MAGI2: variants seen among roughly 807,000 people sequenced by gnomAD.
MAGI2 encodes membrane associated guanylate kinase, WW and PDZ domain containing 2, also known as membrane-associated guanylate kinase, WW and PDZ domain-containing protein 2.
A neutral mutation model predicts 133.3 loss-of-function variants in MAGI2; 35 were observed. The observed-to-expected ratio is 0.26, with a 90% CI of 0.20 to 0.35. MAGI2 has a LOEUF of 0.35. Ranked by LOEUF, MAGI2 falls within the 10% of genes least tolerant of loss-of-function variation. The pLI is 1.00. For synonymous variants in MAGI2, 729 were observed against 710.6 expected, an observed-to-expected ratio of 1.03 and a Z score of -0.41; for missense variants, 1,636 against 1,863.4, an observed-to-expected ratio of 0.88 and a Z score of 2.25.
chr7:79,135,331 G>T (rs1821292961), intron 1 of MAGI2, among the ~76,000 whole-genome samples: 3 of 152,090 alleles, frequency 2.0e-5, no homozygotes. Context: ...ATTGCAGAAG[G>T]TGTGTTACAA....
chr7:78,859,101 C>T (rs1157703194), intron 2 of MAGI2, among the ~76,000 whole-genome samples: 7 of 151,888 alleles, frequency 4.6e-5, no homozygotes, highest in Non-Finnish European at 1.0e-4. Flanking sequence ...GGTAGATCTT[C>T]CTCCATCCCT....
chr7:78,256,147 A>G lies in MAGI2; in HGVS notation c.1843T>C (p.Phe615Leu). The change falls in exon 10 of 22, where the codon TTC (phenylalanine) becomes CTC (leucine). Residue 615 changes from phenylalanine to leucine, a missense_variant. By Grantham distance (22) the Phe-to-Leu change is conservative (BLOSUM62 0). Around this residue, in one of 5 missense-constraint regions of MAGI2, gnomAD observed 920 missense variants for 1,093.5 expected, o/e 0.84. Coordinates refer to ENST00000354212, the MANE Select transcript of MAGI2 (RefSeq NM_012301.4). ...TLTIVKGAQG[F>L]GFTIADSPTG... is the part of the protein sequence containing the mutation. ...GGACTGTCGGCAATAGTGAAGCCGA[A>G]GCCCTGGGCACCTTTCACAATGGTT... is the stretch of plus-strand genomic sequence containing the variant. The G allele has an allele frequency of 8.7e-6, 14 of 1,613,930 alleles. No homozygotes were observed. The highest frequency in any genetic ancestry group is 1.1e-5 in the Non-Finnish European group (13 of 1,179,934).
intron 7 of MAGI2, among the ~76,000 whole-genome samples, chr7:78,349,287 A>C (rs1483550779): frequency 6.6e-6 from 1 of 152,202 alleles, no homozygotes; most frequent in Non-Finnish European, 1.5e-5. Flanking sequence ...GTTTTAAAAC[A>C]TTTATTTTCA....
Position 78,070,498 on chromosome 7 carries a change from GTGTGTATATATA to G in MAGI2, c.3706+8437_3706+8448del, listed in dbSNP as rs1246780431. Among the ~76,000 whole-genome samples the G allele has an allele frequency of 5.2e-3, 750 of 144,264 alleles. 2 individuals are homozygous for G. Among genetic ancestry groups the G allele is most frequent in the African/African-American group, 0.019 (712 of 38,002 alleles). 94.6% of individuals were successfully genotyped at this position (144,264 alleles called of 152,430 possible). A position where few individuals can be genotyped will look rare whatever the true frequency, so the allele number is the denominator to read the frequency against. On this transcript the variant is annotated intron_variant, in intron 21 of 21. Transcript: ENST00000354212. ...TATATATATGTGTGTGTATATATGTGTGTGTATATATATGTGTGTATATATGTATATATGTGT... is the reference window on the plus strand; with the variant it reads ...TATATATATGTGTGTGTATATATGTGTGTGTGTATATATGTATATATGTGT...
chr7:78,879,968 G>T (rs1317870196), intron 2 of MAGI2, among the ~76,000 whole-genome samples: 3 of 151,896 alleles, frequency 2.0e-5, no homozygotes, highest in Non-Finnish European at 4.4e-5. Flanking sequence ...GCAGAAGAAA[G>T]ATTTTCAGAG....
chr7:78,083,416 G>C (rs975896969), intron 20 of MAGI2, among the ~76,000 whole-genome samples: 21 of 142,810 alleles, frequency 1.5e-4, no homozygotes, highest in Non-Finnish European at 2.8e-4. Flanking sequence ...GAGAGAGAGA[G>C]AGAGAGAGAG....
chr7:78,563,364 G>T (rs541069267), intron 3 of MAGI2, among the ~76,000 whole-genome samples: 8 of 152,152 alleles, frequency 5.3e-5, no homozygotes, highest in Non-Finnish European at 1.2e-4. Context: ...AAGGTCACCT[G>T]GGGCAGCATG....
chr7:78,955,716 TTTCTTTCTC>T (rs1802261872), intron 2 of MAGI2, among the ~76,000 whole-genome samples: 1 of 117,588 alleles, frequency 8.5e-6, no homozygotes, highest in Non-Finnish European at 1.7e-5. Flanking sequence ...TTTCTTTTTC[TTTCTTTCTC>T]TTTCTTTCTT....
intron 1 of MAGI2, among the ~76,000 whole-genome samples, chr7:79,303,326 C>A (rs1483677268): frequency 2.0e-5 from 3 of 152,044 alleles, no homozygotes; most frequent in Admixed American, 6.6e-5. Flanking sequence ...AAAAAATACC[C>A]TTCCTGTAGA....
chr7:78,725,223 A>G (rs1820654862), intron 2 of MAGI2, among the ~76,000 whole-genome samples: 1 of 152,228 alleles, frequency 6.6e-6, no homozygotes, highest in Non-Finnish European at 1.5e-5. Context: ...GGCCCAAGTT[A>G]CTAAGTTAAT....
At chr7:78,566,999 A>G (rs17151031) in intron 3 of MAGI2, among the ~76,000 whole-genome samples, 3,230 of 152,280 alleles carry the variant, frequency 0.021, 115 homozygotes, top group African/African-American at 0.074. Flanking sequence ...GAGGTTTTAA[A>G]GTTTGACTTA....
chr7:79,285,742 T>TAGAGA, intron 1 of MAGI2, among the ~76,000 whole-genome samples: 1 of 152,074 alleles, frequency 6.6e-6, no homozygotes. Flanking sequence ...GAAACAATGT[T>TAGAGA]AGAGAAGAAT....
intron 2 of MAGI2, among the ~76,000 whole-genome samples, chr7:78,940,043 T>A (rs1281655717): frequency 6.6e-6 from 1 of 152,100 alleles, no homozygotes; most frequent in Non-Finnish European, 1.5e-5. Flanking sequence ...AAAACCAATA[T>A]AAAAATTGCC....
At chr7:78,978,584 C>T (rs941040543) in intron 2 of MAGI2, among the ~76,000 whole-genome samples, 3 of 151,754 alleles carry the variant, frequency 2.0e-5, no homozygotes, top group East Asian at 1.9e-4. Flanking sequence ...CATGATATGA[C>T]GCATTTGTCA....
chr7:78,187,861 C>A (rs1827840902), intron 12 of MAGI2, among the ~76,000 whole-genome samples: 1 of 152,090 alleles, frequency 6.6e-6, no homozygotes, highest in South Asian at 2.1e-4. Context: ...AACTCTATAG[C>A]CCTGATGGTC....
intron 2 of MAGI2, among the ~76,000 whole-genome samples, chr7:78,998,071 T>C (rs1178634373): frequency 6.6e-6 from 1 of 152,132 alleles, no homozygotes; most frequent in Non-Finnish European, 1.5e-5. Flanking sequence ...TCATGAATAG[T>C]GAAGGCAGAT....
At chr7:78,523,403 T>C (rs966902553) in intron 3 of MAGI2, among the ~76,000 whole-genome samples, 1 of 151,926 alleles carries the variant, frequency 6.6e-6, no homozygotes, top group African/African-American at 2.4e-5. Context: ...GGCGTGAACC[T>C]GGGAGGCGGA....
At chr7:78,185,265 A>G (rs1352857679) in intron 13 of MAGI2, among the ~76,000 whole-genome samples, 3 of 152,184 alleles carry the variant, frequency 2.0e-5, no homozygotes, top group Non-Finnish European at 2.9e-5. Flanking sequence ...CAGCATATCT[A>G]ACTTTAGAAC....
At chr7:79,143,767 A>G (rs770553307) in intron 1 of MAGI2, among the ~76,000 whole-genome samples, 1 of 152,198 alleles carries the variant, frequency 6.6e-6, no homozygotes, top group Non-Finnish European at 1.5e-5. Context: ...TAGTTAAAAC[A>G]TTACTTTACA....
Sources: allele counts gnomAD v4.1 joint callset (sites outside exome capture counted in the v4.1 genomes callset), GRCh38; gene constraint gnomAD v4.1.1; regional missense constraint gnomAD v4.1.1; transcripts MANE v1.5; gene names NCBI Gene and HGNC (gene_info 2026-07-23, HGNC 2026-07-21).